Variants in FAM110C observed in about 807,000 individuals in gnomAD.
FAM110C encodes protein FAM110C.
Under a neutral mutation model 15.7 loss-of-function variants are expected in FAM110C, and 19 were observed. That is an observed-to-expected ratio of 1.21 (90% CI 0.85 to 1.78). The LOEUF is 1.78. FAM110C is among the 40% of genes most tolerant of loss of function. FAM110C has a pLI of 0.00. For missense variants in FAM110C, 547 were observed against 495.7 expected, an observed-to-expected ratio of 1.10 and a Z score of -0.98; for synonymous variants, 275 against 233.9, an observed-to-expected ratio of 1.18 and a Z score of -1.61.
intron 1 of FAM110C, chr2:43,863 G>A: frequency 1.0e-6 from 1 of 985,362 alleles, no homozygotes; most frequent in Non-Finnish European, 1.2e-6. Flanking sequence ...CTGGGTTTCA[G>A]TCATGCAACA....
chr2:45,586 T>TCGC lies in FAM110C; in HGVS notation c.797_799dup (p.Gly266dup). On this transcript the variant is annotated inframe_insertion, in exon 1 of 2. Transcript: ENST00000327669. ...CTCCTCCTCCTGCAGCCCCTCGTCG[T>TCGC]CGCCGCCGCTGTGCCGGGAGAAGCC... The TCGC allele has an allele frequency of 6.2e-7, 1 of 1,612,644 alleles. No individual in the cohort carries two copies. The highest frequency in any genetic ancestry group is 8.5e-7 in the Non-Finnish European group (1 of 1,179,868).
chr2:45,646 T>C lies in FAM110C; in HGVS notation c.740A>G (p.Lys247Arg), dbSNP rs1664261146. The change falls in exon 1 of 2, where the codon AAG becomes AGG. Residue 247 changes from lysine to arginine, a missense_variant. Transcript: ENST00000327669. Reference sequence around the variant, plus strand: ...GGTGGCGACGCTCACGCTGCGCACCTTGAGGGTCACACAGTCCGACCCCGC... The same window carrying C: ...GGTGGCGACGCTCACGCTGCGCACCCTGAGGGTCACACAGTCCGACCCCGC... ...FTAGSDCVTL[K>R]VRSVSVATSG... 6.2e-7 allele frequency: 1 copy of C among 1,612,172 alleles called. No homozygotes were observed. The highest frequency in any genetic ancestry group is 1.3e-5 in the African/African-American group (1 of 74,918).
chr2:42,189 C>T lies in FAM110C; in HGVS notation c.947-562G>A, dbSNP rs139119743. The T allele has an allele frequency of 4.3e-4, 419 of 985,340 alleles. 1 individual carries two copies. The highest frequency in any genetic ancestry group is 4.3e-4 in the Non-Finnish European group (361 of 829,924). 61.0% of individuals were successfully genotyped at this position (985,340 alleles called of 1,614,324 possible). A position where few individuals can be genotyped will look rare whatever the true frequency, so the allele number is the denominator to read the frequency against. ...GAAAGGAAAAGAAAGCTGGATGTCC[C>T]GGGTTTATTTTTTCTGCATCTTTGC... On this transcript the variant is annotated intron_variant, in intron 1 of 1. Coordinates refer to ENST00000327669, the MANE Select transcript of FAM110C (RefSeq NM_001077710.3).
chr2:44,373 C>T, intron 1 of FAM110C: 5 of 985,380 alleles, frequency 5.1e-6, no homozygotes, highest in Non-Finnish European at 6.0e-6. Context: ...AGCTGTCAAA[C>T]ATAGGTGAGC....
intron 1 of FAM110C, chr2:42,169 G>A: frequency 1.0e-6 from 1 of 985,406 alleles, no homozygotes; most frequent in Non-Finnish European, 1.2e-6. Flanking sequence ...AAGAAGAAAG[G>A]AAAAGAAAGC....
intron 1 of FAM110C, chr2:44,244 A>T (rs1462348350): frequency 1.0e-6 from 1 of 985,044 alleles, no homozygotes; most frequent in Non-Finnish European, 1.2e-6. Flanking sequence ...TATAAATTAT[A>T]AGGAAGAACT....
At chr2:42,451 G>A in intron 1 of FAM110C, 1 of 348,174 alleles carries the variant, frequency 2.9e-6, no homozygotes, top group Non-Finnish European at 4.0e-6. Context: ...TCTAAATTTT[G>A]ACAAGTCCCT....
At chr2:45,371 C>G in intron 1 of FAM110C, 69 bp downstream of exon 1, 1 of 1,525,716 alleles carries the variant, frequency 6.6e-7, no homozygotes, top group Non-Finnish European at 8.8e-7. Context: ...TCGCCCAGCT[C>G]GGTCACACTC....
chr2:40,338 C>A lies in FAM110C; in HGVS notation c.*1270G>T, dbSNP rs1664090749. 6.6e-6 allele frequency: 1 copy of A among 152,136 alleles called. No individual in the cohort carries two copies. Among genetic ancestry groups the A allele is most frequent in the Non-Finnish European group, 1.5e-5 (1 of 68,022 alleles). 9.4% of individuals were successfully genotyped at this position (152,136 alleles called of 1,614,324 possible). On this transcript the variant is annotated 3_prime_UTR_variant, in exon 2 of 2. Transcript: ENST00000327669. ...GAATAATTCAAAATGAAATGGTTAACAAAATATCATATCAATGAGAAACCC... is the reference window on the plus strand; with the variant it reads ...GAATAATTCAAAATGAAATGGTTAAAAAAATATCATATCAATGAGAAACCC...
intron 1 of FAM110C, chr2:44,236 T>G (rs921308690): frequency 1.0e-6 from 1 of 985,082 alleles, no homozygotes; most frequent in Non-Finnish European, 1.2e-6. Flanking sequence ...AAATCTTCTA[T>G]AAATTATAAG....
intron 1 of FAM110C, chr2:42,936 G>C: frequency 1.0e-6 from 1 of 985,458 alleles, no homozygotes; most frequent in African/African-American, 1.7e-5. Context: ...ACTGGTCTCA[G>C]AACAAGGGAC....
intron 1 of FAM110C, 131 bp downstream of exon 1, chr2:45,309 T>C: frequency 5.6e-6 from 8 of 1,436,644 alleles, no homozygotes; most frequent in Non-Finnish European, 7.3e-6. Flanking sequence ...TTGGGTCCCT[T>C]TCACACTGTA....
In FAM110C at chr2:41,872, T is replaced by A. The variant is rs1036081172; in HGVS notation, c.947-245A>T. ...TCCCTGCAGGCCTTTTTCTGCGCTT[T>A]AAAAATTTCTCTTTGCCTCCAACTA... On this transcript the variant is annotated intron_variant, in intron 1 of 1. Transcript: ENST00000327669. 4.1e-6 allele frequency: 4 copies of A among 985,316 alleles called. No individual in the cohort carries two copies. The African/African-American group carries it at 7.0e-5, about 17-fold the overall frequency. 61.0% of individuals were successfully genotyped at this position (985,316 alleles called of 1,614,324 possible).
intron 1 of FAM110C, 134 bp downstream of exon 1, chr2:45,306 C>T (rs2103272404): frequency 1.4e-6 from 2 of 1,432,858 alleles, no homozygotes; most frequent in Non-Finnish European, 1.8e-6. Flanking sequence ...CTCTTGGGTC[C>T]CTTTCACACT....
chr2:44,881 A>G (rs1664232862), intron 1 of FAM110C: 4 of 985,328 alleles, frequency 4.1e-6, no homozygotes, highest in Admixed American at 6.1e-5. Context: ...AAGTGCTACA[A>G]GATCCTGTGG....
chr2:43,657 A>G (rs934193888), intron 1 of FAM110C: 4 of 985,268 alleles, frequency 4.1e-6, no homozygotes, highest in Non-Finnish European at 4.8e-6. Context: ...GAGGGATCAG[A>G]GCAGGCTGCT....
In FAM110C at chr2:45,765, G is replaced by C. The variant is rs1161028171; in HGVS notation, c.621C>G (p.Arg207=). The C allele has an allele frequency of 2.3e-5, 37 of 1,580,182 alleles. No individual in the cohort carries two copies. The highest frequency in any genetic ancestry group is 2.7e-5 in the Non-Finnish European group (32 of 1,165,618). ...LQRSQSDLSS[R]YSAALAESDT... is the part of the protein sequence containing the mutation. ...CAGACTCGGCCAAGGCAGCGGAATA[G>C]CGGGAGCTGAGGTCCGACTGTGAGC... The change falls in exon 1 of 2, where the codon CGC becomes CGG. Residue 207 remains arginine, a synonymous_variant. Transcript: ENST00000327669.
chr2:43,954 G>A (rs144069675), intron 1 of FAM110C: 10 of 985,352 alleles, frequency 1.0e-5, no homozygotes, highest in South Asian at 9.4e-5. Context: ...GACAAAGGAC[G>A]CCTGGTCTAT....
At chr2:43,153 G>A (rs1664173069) in intron 1 of FAM110C, 1 of 985,276 alleles carries the variant, frequency 1.0e-6, no homozygotes, top group South Asian at 4.7e-5. Context: ...CTGGTAGCCG[G>A]GCAGTAAGTC....
Sources: allele counts gnomAD v4.1 joint callset, GRCh38; gene constraint gnomAD v4.1.1; transcripts MANE v1.5; gene names NCBI Gene and HGNC (gene_info 2026-07-23, HGNC 2026-07-21).